Variants in RAB38 observed in about 807,000 individuals in gnomAD.
RAB38 encodes RAB38, member RAS oncogene family.
RAB38 carries 15 observed loss-of-function variants against 18.4 expected under a neutral mutation model. The ratio of observed to expected loss-of-function variants is 0.82; its 90% CI spans 0.55 to 1.26. RAB38 has a LOEUF of 1.26. Ranked by LOEUF, RAB38 falls within the 50% of genes most tolerant of loss-of-function variation. The pLI, the probability that RAB38 is intolerant of heterozygous loss-of-function variation, is 0.00. For missense variants in RAB38, 294 were observed against 267.4 expected (o/e 1.10, Z -0.69); for synonymous variants, 101 against 104.4 (o/e 0.97, Z 0.20).
the RAB38 span, among the ~76,000 whole-genome samples, chr11:87,916,518 C>T: frequency 6.6e-6 from 1 of 152,098 alleles, no homozygotes; most frequent in African/African-American, 2.4e-5. Flanking sequence ...CTTTGACCTC[C>T]TCTGCCATGG....
At chr11:88,112,238 C>G (rs1942483024), downstream of RAB38, among the ~76,000 whole-genome samples, 2 of 152,214 alleles carry the variant, frequency 1.3e-5, no homozygotes, top group Admixed American at 1.3e-4. Context: ...TCCTGCAACA[C>G]AGATCATCCT....
the RAB38 span, among the ~76,000 whole-genome samples, chr11:87,856,491 C>T: frequency 2.6e-5 from 4 of 152,136 alleles, no homozygotes; most frequent in South Asian, 8.3e-4. Flanking sequence ...ATTGCAGCAA[C>T]CAACCCTACT....
chr11:87,820,820 A>T, the RAB38 span, among the ~76,000 whole-genome samples: 1 of 152,236 alleles, frequency 6.6e-6, no homozygotes, highest in African/African-American at 2.4e-5. Flanking sequence ...GTGAATAAGG[A>T]ATAGAATCAG....
At chr11:87,844,836 G>T in the RAB38 span, among the ~76,000 whole-genome samples, 1 of 152,096 alleles carries the variant, frequency 6.6e-6, no homozygotes, top group East Asian at 1.9e-4. Context: ...AACCAACATT[G>T]TACAGGCCTA....
Position 88,144,343 on chromosome 11 carries a change from G to T in RAB38, c.483+5332C>A, listed in dbSNP as rs529898792. 2.0e-5 allele frequency among the ~76,000 whole-genome samples: 3 copies of T among 152,322 alleles called. No homozygotes were observed. In the South Asian group the frequency reaches 6.2e-4, roughly 32 times the overall value. ...GGATGCCTACAACCTACAATTGGTG[G>T]AATCTAGGTCATCTGCCTGTGCCTA... On this transcript the variant is annotated intron_variant, in intron 2 of 2. Coordinates refer to ENST00000243662, the MANE Select transcript of RAB38 (RefSeq NM_022337.3).
At chr11:88,105,319 C>T in the RAB38 span, among the ~76,000 whole-genome samples, 554 of 152,182 alleles carry the variant, frequency 3.6e-3, 2 homozygotes, top group South Asian at 0.012. Flanking sequence ...TTTCCTCCAT[C>T]GGCCATGTCT....
the RAB38 span, among the ~76,000 whole-genome samples, chr11:87,944,601 C>G: frequency 2.0e-5 from 3 of 152,148 alleles, no homozygotes; most frequent in African/African-American, 4.8e-5. Flanking sequence ...CACCTCCAGA[C>G]CACTCTTGGG....
At chr11:87,886,401 G>C in the RAB38 span, among the ~76,000 whole-genome samples, 1 of 151,864 alleles carries the variant, frequency 6.6e-6, no homozygotes, top group South Asian at 2.1e-4. Context: ...CCCCTGGTGA[G>C]CCTGCACGTT....
chr11:88,004,764 C>G, the RAB38 span, among the ~76,000 whole-genome samples: 1 of 151,334 alleles, frequency 6.6e-6, no homozygotes, highest in East Asian at 1.9e-4. Context: ...AATAAAACTA[C>G]TAAAACCAGG....
At chr11:88,069,107 C>T in the RAB38 span, among the ~76,000 whole-genome samples, 8 of 152,196 alleles carry the variant, frequency 5.3e-5, no homozygotes, top group African/African-American at 1.9e-4. Flanking sequence ...AGGGCGAGCT[C>T]CCGGTGGGCA....
the RAB38 span, among the ~76,000 whole-genome samples, chr11:87,949,650 C>T: frequency 6.6e-6 from 1 of 152,168 alleles, no homozygotes; most frequent in Non-Finnish European, 1.5e-5. Flanking sequence ...ATTATGTACC[C>T]ACTAATCATT....
At chr11:87,843,882 G>A in the RAB38 span, among the ~76,000 whole-genome samples, 1 of 152,122 alleles carries the variant, frequency 6.6e-6, no homozygotes, top group Admixed American at 6.5e-5. Context: ...CTCGTGAAAT[G>A]TTCAATTTGT....
chr11:88,072,168 G>A, the RAB38 span, among the ~76,000 whole-genome samples: 4 of 152,144 alleles, frequency 2.6e-5, no homozygotes, highest in East Asian at 5.8e-4. Flanking sequence ...AAAATAATAT[G>A]TTAAAAAATC....
the RAB38 span, among the ~76,000 whole-genome samples, chr11:87,883,530 T>C: frequency 6.6e-6 from 1 of 151,936 alleles, no homozygotes; most frequent in African/African-American, 2.4e-5. Flanking sequence ...ATTTGGATAA[T>C]ACACAAATCA....
the RAB38 span, among the ~76,000 whole-genome samples, chr11:87,874,149 T>G: frequency 6.6e-6 from 1 of 151,092 alleles, no homozygotes; most frequent in Admixed American, 6.6e-5. Context: ...ATAGAGAAAT[T>G]TTTTTATGTT....
chr11:88,009,516 A>G, the RAB38 span, among the ~76,000 whole-genome samples: 1 of 152,216 alleles, frequency 6.6e-6, no homozygotes, highest in Non-Finnish European at 1.5e-5. Context: ...TGTGAAAGGC[A>G]TAGACAGAAA....
intron 2 of RAB38, among the ~76,000 whole-genome samples, chr11:88,117,505 A>G (rs1018211811): frequency 6.6e-6 from 1 of 152,210 alleles, no homozygotes; most frequent in Non-Finnish European, 1.5e-5. Flanking sequence ...GTAACTATTT[A>G]GTGAATACCT....
intron 1 of RAB38, among the ~76,000 whole-genome samples, chr11:88,158,579 A>G (rs181353316): frequency 6.6e-6 from 1 of 152,064 alleles, no homozygotes; most frequent in Non-Finnish European, 1.5e-5. Flanking sequence ...ATTCACTATG[A>G]TCAAATAGTG....
chr11:88,089,631 G>T, the RAB38 span, among the ~76,000 whole-genome samples: 12 of 151,898 alleles, frequency 7.9e-5, no homozygotes, highest in African/African-American at 2.9e-4. Flanking sequence ...GGCACAGCAA[G>T]CAGTTGACAA....
Sources: allele counts gnomAD v4.1 joint callset (sites outside exome capture counted in the v4.1 genomes callset), GRCh38; gene constraint gnomAD v4.1.1; transcripts MANE v1.5; gene names NCBI Gene and HGNC (gene_info 2026-07-23, HGNC 2026-07-21).